MLX: variants seen among roughly 807,000 people sequenced by gnomAD.
The protein encoded by MLX is max-like protein X.
Under a neutral mutation model 33.0 loss-of-function variants are expected in MLX, and 15 were observed. That is an observed-to-expected ratio of 0.45 (90% CI 0.30 to 0.70). The LOEUF (loss-of-function observed/expected upper bound fraction) is 0.70. Among genes scored for constraint, MLX ranks in the 30% least tolerant of loss-of-function variants. MLX has a pLI of 0.07. For missense variants in MLX, 285 were observed against 306.3 expected (o/e 0.93, Z 0.52); for synonymous variants, 115 against 115.6 (o/e 0.99, Z 0.03).
rs1470583548 is a variant in MLX, at chr17:42,573,009, C to G, written c.*1406C>G. The G allele has an allele frequency of 4.3e-6, 7 of 1,614,260 alleles. No homozygotes were observed. Among genetic ancestry groups the G allele is most frequent in the Admixed American group, 1.7e-5 (1 of 60,032 alleles). On this transcript the variant is annotated 3_prime_UTR_variant, in exon 8 of 8. Transcript: ENST00000435881. ...GTGACGTTGTAATCTTCATCCGTCT[C>G]TATCCCAACTTCCTCCTGTGAGACA...
intron 1 of MLX, 121 bp from the exon 2 acceptor site, chr17:42,567,498 G>C (rs1156773407): frequency 6.5e-7 from 1 of 1,533,336 alleles, no homozygotes; most frequent in African/African-American, 1.4e-5. Context: ...GTGTGCAAGC[G>C]CGCAGGGTGA....
chr17:42,571,564 G>A lies in MLX; in HGVS notation c.696G>A (p.Val232=). The part of the protein sequence containing the change: ...HCKPQTLREI[V]IGVLHQLKNQ... ...CTCGCCAGACCCTGCGGGAGATTGT[G>A]ATTGGCGTCCTGCACCAATTGAAAA... Residue 232 remains valine (V), a synonymous_variant, in exon 8 of 8, where the codon GTG becomes GTA. Transcript: ENST00000435881. 6.2e-7 allele frequency: 1 copy of A among 1,614,190 alleles called. No individual in the cohort carries two copies. Among genetic ancestry groups the A allele is most frequent in the Non-Finnish European group, 8.5e-7 (1 of 1,180,036 alleles).
Position 42,571,656 on chromosome 17 carries a change from G to T in MLX, c.*53G>T, listed in dbSNP as rs375639468. 6.4e-7 allele frequency: 1 copy of T among 1,554,856 alleles called. No homozygotes were observed. Among genetic ancestry groups the T allele is most frequent in the Non-Finnish European group, 8.9e-7 (1 of 1,126,740 alleles). Reference sequence around the variant, plus strand: ...CAACAAGAGGCCCTTGAATCTCTACGTGGCCACTGAACTGCTGGGCCCGGG... The same window carrying T: ...CAACAAGAGGCCCTTGAATCTCTACTTGGCCACTGAACTGCTGGGCCCGGG... On this transcript the variant is annotated 3_prime_UTR_variant, in exon 8 of 8. Coordinates refer to ENST00000435881, the MANE Select transcript of MLX (RefSeq NM_198204.2).
Position 42,570,130 on chromosome 17 carries a change from C to G in MLX, c.625C>G (p.Gln209Glu). The G allele has an allele frequency of 3.1e-6, 5 of 1,614,096 alleles. No homozygotes were observed. The highest frequency in any genetic ancestry group is 4.2e-6 in the Non-Finnish European group (5 of 1,180,020). The change falls in exon 7 of 8, where the codon CAG (glutamine) becomes GAG (glutamate). Residue 209 changes from glutamine (Q) to glutamate (E), a missense_variant. Coordinates refer to ENST00000435881, the MANE Select transcript of MLX (RefSeq NM_198204.2). ...TGCCTCCATCTCAGTGGCCAGCTTC[C>G]AGGAGCTGTCAGCGTGTGTCTTCAG... is the stretch of plus-strand genomic sequence containing the variant. ...FNASISVASF[Q>E]ELSACVFSWI...
intron 7 of MLX, 64 bp downstream of exon 7, chr17:42,570,247 C>T (rs1018875547): frequency 6.5e-7 from 1 of 1,527,960 alleles, no homozygotes; most frequent in Non-Finnish European, 9.0e-7. Context: ...GTGGCCCAAG[C>T]CATCAGCTGT....
rs1358479201 is a variant in MLX, at chr17:42,572,851, T to C, written c.*1248T>C. ...TATGCTTGTCTCCTGACTGCTCTGC[T>C]TAAAGGTGAAAGTAGCAGGAACAAC... On this transcript the variant is annotated 3_prime_UTR_variant, in exon 8 of 8. Coordinates refer to ENST00000435881, the MANE Select transcript of MLX (RefSeq NM_198204.2). The C allele has an allele frequency of 3.2e-6, 4 of 1,254,278 alleles. No homozygotes were observed. In the Admixed American group the frequency reaches 7.0e-5, roughly 22 times the overall value. 77.7% of individuals were successfully genotyped at this position (1,254,278 alleles called of 1,614,324 possible). A position where few individuals can be genotyped will look rare whatever the true frequency, so the allele number is the denominator to read the frequency against.
Position 42,569,535 on chromosome 17 carries a change from G to C in MLX, c.405G>C (p.Lys135Asn), listed in dbSNP as rs2093022344. ...KTIDYIQFLH[K>N]EKKKQEEEVS... is the part of the protein sequence containing the mutation. ...TTGACTACATTCAGTTTTTGCACAA[G>C]GAGAAGAAAAAGCAGGAGGAGGAGG... Residue 135 changes from lysine to asparagine, a missense_variant, in exon 6 of 8, where the codon AAG becomes AAC. Lys to Asn is a moderately conservative substitution (Grantham distance 94). Coordinates refer to ENST00000435881, the MANE Select transcript of MLX (RefSeq NM_198204.2). The C allele has an allele frequency of 1.2e-6, 2 of 1,614,084 alleles. No individual in the cohort carries two copies. Among genetic ancestry groups the C allele is most frequent in the Non-Finnish European group, 1.7e-6 (2 of 1,180,010 alleles).
intron 2 of MLX, 48 bp downstream of exon 2, chr17:42,567,703 G>C (rs763328876): frequency 1.9e-6 from 3 of 1,612,962 alleles, no homozygotes; most frequent in South Asian, 1.1e-5. Context: ...TCCCGCCCAG[G>C]CTCTCTAGAT....
At position 42,571,645 on chromosome 17, in the gene MLX, T is replaced by C; in HGVS notation, c.*42T>C. On this transcript the variant is annotated 3_prime_UTR_variant, in exon 8 of 8. Coordinates refer to ENST00000435881, the MANE Select transcript of MLX (RefSeq NM_198204.2). ...TGGAGAACAGCCAACAAGAGGCCCT[T>C]GAATCTCTACGTGGCCACTGAACTG... 6.3e-7 allele frequency: 1 copy of C among 1,599,324 alleles called. No homozygotes were observed. Among genetic ancestry groups the C allele is most frequent in the Non-Finnish European group, 8.6e-7 (1 of 1,166,542 alleles).
At chr17:42,568,992 G>A (rs2093020439) in intron 4 of MLX, 49 bp downstream of exon 4, 1 of 1,553,860 alleles carries the variant, frequency 6.4e-7, no homozygotes, top group Non-Finnish European at 8.8e-7. Flanking sequence ...GCCCTGCATA[G>A]TTTAGCTTCC....
At chr17:42,570,829 G>T (rs944591502) in intron 7 of MLX, among the ~76,000 whole-genome samples, 4 of 151,890 alleles carry the variant, frequency 2.6e-5, no homozygotes, top group Non-Finnish European at 4.4e-5. Context: ...CCAATTTTTT[G>T]TATTTTTTAG....
At chr17:42,567,224 A>G in intron 1 of MLX, 58 bp downstream of exon 1, 1 of 1,310,396 alleles carries the variant, frequency 7.6e-7, no homozygotes, top group South Asian at 2.6e-5. Flanking sequence ...TCGTGCACGT[A>G]GGGGGGCCGG....
In MLX at chr17:42,567,103, T is replaced by C. The variant is rs911298060; in HGVS notation, c.-22T>C. The C allele has an allele frequency of 2.4e-6, 3 of 1,240,528 alleles. No homozygotes were observed. The highest frequency in any genetic ancestry group is 2.0e-6 in the Non-Finnish European group (2 of 991,906). The allele number at this position is 1,240,528 out of a possible 1,614,324, so 76.8% of individuals were successfully genotyped here. On this transcript the variant is annotated 5_prime_UTR_variant, in exon 1 of 8. Coordinates refer to ENST00000435881, the MANE Select transcript of MLX (RefSeq NM_198204.2). The stretch of plus-strand genomic sequence containing the variant: ...CGCAGGGGGCCCGCCCGCTGGCCCG[T>C]TTCCGGTCCGGTGGGTACAAGATGA...
At chr17:42,569,122 C>G in intron 4 of MLX, 82 bp from the exon 5 acceptor site, 1 of 1,402,136 alleles carries the variant, frequency 7.1e-7, no homozygotes, top group Non-Finnish European at 1.0e-6. Flanking sequence ...GAGCATAGAA[C>G]TTGGTGTCAT....
At chr17:42,568,606 T>C (rs369193635) in intron 3 of MLX, 47 bp downstream of exon 3, 4 of 1,534,690 alleles carry the variant, frequency 2.6e-6, no homozygotes, top group African/African-American at 2.7e-5. Context: ...AGATATGTCA[T>C]AATTGTAGTA....
intron 3 of MLX, 70 bp from the exon 4 acceptor site, chr17:42,568,767 G>T: frequency 7.3e-7 from 1 of 1,376,808 alleles, no homozygotes; most frequent in Non-Finnish European, 1.0e-6. Context: ...TCCCAGCTGG[G>T]GAAAGGTGGG....
intron 7 of MLX, 116 bp downstream of exon 7, chr17:42,570,299 TC>T (rs1419521596): frequency 1.0e-5 from 10 of 964,354 alleles, no homozygotes; most frequent in Admixed American, 6.6e-5. Flanking sequence ...TAAGGGCGTT[TC>T]TACAGCTTTG....
rs776238702 is a variant in MLX at position 42,568,820 on chromosome 17, C to G, written c.170-17C>G. The G allele has an allele frequency of 1.3e-6, 2 of 1,582,336 alleles. No individual in the cohort carries two copies. The highest frequency in any genetic ancestry group is 1.7e-6 in the Non-Finnish European group (2 of 1,159,542). On this transcript the variant is annotated splice_polypyrimidine_tract_variant and intron_variant, in intron 3 of 7. Transcript: ENST00000435881. ...GGCCCCAAGATGACCTTTCCCTGCC[C>G]CCATCTCTGAGCGTAGATGATGAGG...
At chr17:42,568,978 G>T in intron 4 of MLX, 35 bp downstream of exon 4, 1 of 1,574,670 alleles carries the variant, frequency 6.4e-7, no homozygotes, top group East Asian at 2.3e-5. Context: ...GCCAGTGCGG[G>T]AGGGCCCTGC....
Sources: allele counts gnomAD v4.1 joint callset (sites outside exome capture counted in the v4.1 genomes callset), GRCh38; gene constraint gnomAD v4.1.1; transcripts MANE v1.5; gene names NCBI Gene and HGNC (gene_info 2026-07-23, HGNC 2026-07-21).